The following ICAM3 variants were observed in gnomAD, a reference collection of about 807,000 sequenced individuals.
ICAM3 encodes the protein intercellular adhesion molecule 3.
A neutral mutation model predicts 43.6 loss-of-function variants in ICAM3; 54 were observed. The ratio of observed to expected loss-of-function variants is 1.24; its 90% CI spans 0.99 to 1.55. The LOEUF (loss-of-function observed/expected upper bound fraction) is 1.55. ICAM3 is among the 40% of genes most tolerant of loss of function. The probability of loss-of-function intolerance (pLI) is 0.00; values close to 1 mark genes in which losing one functional copy is unlikely to be tolerated. For missense variants in ICAM3, 715 were observed against 717.9 expected (o/e 1.00, Z 0.05); for synonymous variants, 306 against 312.6 (o/e 0.98, Z 0.22).
chr19:10,334,980 G>A lies in ICAM3; in HGVS notation c.937+86C>T. The A allele has an allele frequency of 1.3e-6, 2 of 1,525,726 alleles. No homozygotes were observed. The highest frequency in any genetic ancestry group is 1.2e-5 in the South Asian group (1 of 80,546). The allele number at this position is 1,525,726 out of a possible 1,614,324, so 94.5% of individuals were successfully genotyped here. A position where few individuals can be genotyped will look rare whatever the true frequency, so the allele number is the denominator to read the frequency against. On this transcript the variant is annotated intron_variant, in intron 4 of 6. Transcript: ENST00000160262. The surrounding 1 kb of genome is among the most constrained non-coding windows in gnomAD (Gnocchi z 5.5). ...TTGCAACTGCTATTGGGGCAAGCCA[G>A]GCCCCACCTTTTCGGCTAGTCTCCG...
rs1413152515 is a variant in ICAM3, at chr19:10,334,619, ACT to A, written c.1099_1100del (p.Ser367Ter). On this transcript the variant is annotated frameshift_variant, in exon 5 of 7. Coordinates refer to ENST00000160262, the MANE Select transcript of ICAM3 (RefSeq NM_002162.5). LOFTEE classifies it high-confidence loss of function. The surrounding 1 kb of genome is among the most constrained non-coding windows in gnomAD (Gnocchi z 5.5). ...TGCAGAAGAAGCTGCGTCCGTCGTC[ACT>A]CTCGGTAGCATTTAGCTGAAGTTGA... Reference protein sequence around the residue: ...PAQLQLNATESDDGRSFFCSA... With the variant: ...PAQLQLNATEXDDGRSFFCSA... 3 of 1,612,984 alleles carry A rather than the reference ACT, an allele frequency of 1.9e-6. No homozygotes were observed. Among genetic ancestry groups the A allele is most frequent in the South Asian group, 1.1e-5 (1 of 90,994 alleles).
At position 10,339,607 on chromosome 19, in the gene ICAM3, G is replaced by A. The variant is rs758342700; in HGVS notation, c.8C>T (p.Thr3Ile). 1 of 1,613,810 alleles carries A rather than the reference G, an allele frequency of 6.2e-7. No individual in the cohort carries two copies. The highest frequency in any genetic ancestry group is 1.7e-5 in the Admixed American group (1 of 59,968). MA[T>I]MVPSVLWPRA... is the part of the protein sequence containing the mutation. ...GGGCCACAACACGGATGGTACCATG[G>A]TGGCCATTCTGACAGAGGAAGGTGC... is the stretch of plus-strand genomic sequence containing the variant. The change falls in exon 1 of 7, where the codon ACC becomes ATC. Residue 3 changes from threonine to isoleucine, a missense_variant. Coordinates refer to ENST00000160262, the MANE Select transcript of ICAM3 (RefSeq NM_002162.5).
At chr19:10,339,494 C>A in intron 1 of ICAM3, 45 bp downstream of exon 1, 1 of 1,562,206 alleles carries the variant, frequency 6.4e-7, no homozygotes, top group Non-Finnish European at 8.8e-7. Context: ...TACTGATCCC[C>A]AAAACGCAGC....
chr19:10,335,293 CACG>C lies in ICAM3; in HGVS notation c.707_709del (p.Ser236del), dbSNP rs1474531970. On this transcript the variant is annotated inframe_deletion, in exon 4 of 7. Transcript: ENST00000160262. ...CCCGTCTAGGGTGCAGTCCACCGGC[CACG>C]ACGTTTCCACCTCCAAGAACCGGGG... is the stretch of plus-strand genomic sequence containing the variant. 3.7e-6 allele frequency: 6 copies of C among 1,612,938 alleles called. No homozygotes were observed. The East Asian group carries it at 1.3e-4, about 36-fold the overall frequency.
At chr19:10,339,084 T>G (rs756386703) in intron 1 of ICAM3, 136 bp from the exon 2 acceptor site, 7 of 914,948 alleles carry the variant, frequency 7.7e-6, no homozygotes, top group Non-Finnish European at 1.1e-5. Context: ...GTGGGAAAGG[T>G]AGAATCCATC....
chr19:10,336,804 CAAA>C (rs34119863), intron 2 of ICAM3, among the ~76,000 whole-genome samples: 55 of 78,992 alleles, frequency 7.0e-4, no homozygotes, highest in Non-Finnish European at 9.5e-4. Context: ...GACTCTATGT[CAAA>C]AAAAAAAAAA....
At chr19:10,337,184 A>C (rs2040607881) in intron 2 of ICAM3, among the ~76,000 whole-genome samples, 1 of 151,938 alleles carries the variant, frequency 6.6e-6, no homozygotes, top group Non-Finnish European at 1.5e-5. Flanking sequence ...TGGGAGGCCA[A>C]GGCGGGCAGA....
At chr19:10,336,234 T>A in intron 2 of ICAM3, 2 of 483,126 alleles carry the variant, frequency 4.1e-6, no homozygotes, top group Non-Finnish European at 3.7e-6. Flanking sequence ...TAAAAAAAAA[T>A]GAGGATGGAA....
Position 10,335,231 on chromosome 19 carries a change from G to T in ICAM3, c.772C>A (p.Leu258Met), listed in dbSNP as rs770797192. ...PASEAQVYLA[L>M]GDQMLNATVM... ...GTCGCATTCAGCATCTGGTCCCCCA[G>T]CGCCAGGTAGACCTGGGCCTCTGAG... is the stretch of plus-strand genomic sequence containing the variant. Residue 258 changes from leucine (L) to methionine (M), a missense_variant, in exon 4 of 7, where the codon CTG becomes ATG. Coordinates refer to ENST00000160262, the MANE Select transcript of ICAM3 (RefSeq NM_002162.5). 1 of 1,613,704 alleles carries T rather than the reference G, an allele frequency of 6.2e-7. No homozygotes were observed.
In ICAM3 at chr19:10,335,899, C is replaced by A. The variant is rs1568318126; in HGVS notation, c.421G>T (p.Val141Leu). The A allele has an allele frequency of 6.3e-7, 1 of 1,598,206 alleles. No individual in the cohort carries two copies. Among genetic ancestry groups the A allele is most frequent in the Admixed American group, 1.7e-5 (1 of 57,940 alleles). The change falls in exon 3 of 7, where the codon GTG (valine) becomes TTG (leucine). Residue 141 changes from valine to leucine, a missense_variant. By Grantham distance (32) the Val-to-Leu change is conservative. Transcript: ENST00000160262. ...VGQNFTLRCQ[V>L]EDGSPRTSLT... ...CTGGTCCGGGGCGACCCATCCTCCA[C>A]TTGGCAGCGCAGGGTGAAGTTCTGG...
chr19:10,337,912 C>T (rs2040615403), intron 2 of ICAM3, among the ~76,000 whole-genome samples: 1 of 152,126 alleles, frequency 6.6e-6, no homozygotes, highest in Admixed American at 6.6e-5. Context: ...ATTGTTGGGG[C>T]CAGGCGCAGT....
chr19:10,335,868 G>C lies in ICAM3; in HGVS notation c.452C>G (p.Thr151Arg). Residue 151 changes from threonine to arginine, a missense_variant, in exon 3 of 7, where the codon ACG becomes AGG. Thr to Arg is a moderately conservative substitution (Grantham distance 71). Transcript: ENST00000160262. ...VEDGSPRTSL[T>R]VVLLRWEEEL... ...CTCCTCCCAGCGAAGCAGCACCACC[G>C]TGAGGCTGGTCCGGGGCGACCCATC... The C allele has an allele frequency of 6.2e-7, 1 of 1,609,048 alleles. No individual in the cohort carries two copies. Among genetic ancestry groups the C allele is most frequent in the Non-Finnish European group, 8.5e-7 (1 of 1,179,320 alleles).
intron 2 of ICAM3, among the ~76,000 whole-genome samples, chr19:10,336,804 CAAAAAAAA>C (rs34119863): frequency 6.3e-5 from 5 of 79,000 alleles, no homozygotes; most frequent in Admixed American, 1.5e-4. Flanking sequence ...GACTCTATGT[CAAAAAAAA>C]AAAAAAAAAA....
chr19:10,337,328 A>C (rs1363229550), intron 2 of ICAM3, among the ~76,000 whole-genome samples: 2 of 150,862 alleles, frequency 1.3e-5, no homozygotes, highest in African/African-American at 4.9e-5. Context: ...GAGGCAGGAG[A>C]ATCGCTTGAA....
chr19:10,339,414 A>T (rs1468742740), intron 1 of ICAM3, 125 bp downstream of exon 1: 2 of 807,532 alleles, frequency 2.5e-6, no homozygotes, highest in Non-Finnish European at 4.0e-6. Context: ...TCTCCCGAGG[A>T]TACAGAGTCA....
chr19:10,336,254 G>A (rs928448438), intron 2 of ICAM3: 9 of 461,044 alleles, frequency 2.0e-5, no homozygotes, highest in East Asian at 3.4e-5. Flanking sequence ...AGGGATGAAC[G>A]TTTATGACTA....
intron 3 of ICAM3, 80 bp from the exon 4 acceptor site, chr19:10,335,433 T>C: frequency 7.5e-7 from 1 of 1,333,280 alleles, no homozygotes; most frequent in East Asian, 2.5e-5. Flanking sequence ...AGTCAGGATA[T>C]CTTGCTGACT....
In ICAM3 at chr19:10,335,444, G is replaced by A; in HGVS notation, c.650-91C>T. The A allele has an allele frequency of 6.2e-6, 8 of 1,288,070 alleles. No homozygotes were observed. The South Asian group carries it at 1.2e-4, about 19-fold the overall frequency. 79.8% of individuals were successfully genotyped at this position (1,288,070 alleles called of 1,614,324 possible). A position where few individuals can be genotyped will look rare whatever the true frequency, so the allele number is the denominator to read the frequency against. ...CCCCAGTCAGGATATCTTGCTGACT[G>A]GGTCACCCTTCTTCACAGGACACAC... On this transcript the variant is annotated intron_variant, in intron 3 of 6. Coordinates refer to ENST00000160262, the MANE Select transcript of ICAM3 (RefSeq NM_002162.5).
At position 10,335,299 on chromosome 19, in the gene ICAM3, G is replaced by A. The variant is rs1389940789; in HGVS notation, c.704C>T (p.Thr235Met). The A allele has an allele frequency of 1.2e-6, 2 of 1,612,740 alleles. No individual in the cohort carries two copies. The highest frequency in any genetic ancestry group is 2.2e-5 in the South Asian group (2 of 91,086). Reference sequence around the variant, plus strand: ...TAGGGTGCAGTCCACCGGCCACGACGTTTCCACCTCCAAGAACCGGGGGGC... The same window carrying A: ...TAGGGTGCAGTCCACCGGCCACGACATTTCCACCTCCAAGAACCGGGGGGC... ...LVAPRFLEVE[T>M]SWPVDCTLDG... The change falls in exon 4 of 7, where the codon ACG becomes ATG. Residue 235 changes from threonine (T) to methionine (M), a missense_variant. By Grantham distance (81) the Thr-to-Met change is moderately conservative. Transcript: ENST00000160262.
Sources: gnomAD v4.1 joint callset for allele counts (sites outside exome capture counted in the v4.1 genomes callset) on GRCh38, gnomAD v4.1.1 for gene constraint, Gnocchi (gnomAD v3.1) non-coding constraint, MANE v1.5 for transcripts, NCBI Gene and HGNC (gene_info 2026-07-23, HGNC 2026-07-21) for gene names.